DLG1: variants seen among roughly 807,000 people sequenced by gnomAD.
DLG1 encodes discs large MAGUK scaffold protein 1.
A neutral mutation model predicts 123.4 loss-of-function variants in DLG1; 42 were observed. The observed-to-expected ratio is 0.34, with a 90% CI of 0.27 to 0.44. DLG1 has a LOEUF of 0.44. DLG1 is among the 20% of genes least tolerant of loss of function. The pLI is 1.00. For missense variants in DLG1, 942 were observed against 1,082.6 expected (o/e 0.87, Z 1.82); for synonymous variants, 317 against 356.2 (o/e 0.89, Z 1.24).
At chr3:197,219,775 C>T (rs1449121372) in intron 4 of DLG1, among the ~76,000 whole-genome samples, 1 of 152,092 alleles carries the variant, frequency 6.6e-6, no homozygotes, top group Admixed American at 6.6e-5. Context: ...CGTGAAGAGG[C>T]AGTAAGAAGG....
At chr3:197,065,249 A>C in intron 22 of DLG1, 27 bp downstream of exon 22, 1 of 1,573,232 alleles carries the variant, frequency 6.4e-7, no homozygotes, top group Non-Finnish European at 8.6e-7. Context: ...ATTAGAAGCT[A>C]TATTCTGGGA....
At chr3:197,291,300 TACACACACAC>T (rs33920543) in intron 3 of DLG1, among the ~76,000 whole-genome samples, 28,457 of 143,224 alleles carry the variant, frequency 0.2, 3,120 homozygotes, top group East Asian at 0.52. Context: ...CCTACAAAGT[TACACACACAC>T]ACACACACAC....
chr3:197,124,872 G>C (rs1293029780), intron 11 of DLG1, among the ~76,000 whole-genome samples: 1 of 152,154 alleles, frequency 6.6e-6, no homozygotes, highest in Admixed American at 6.5e-5. Context: ...ATTTCCTTCA[G>C]ATAAGGAGTA....
At chr3:197,294,657 CAAAA>C (rs71926647) in intron 3 of DLG1, among the ~76,000 whole-genome samples, 5 of 79,118 alleles carry the variant, frequency 6.3e-5, no homozygotes, top group Middle Eastern at 6.5e-3. Flanking sequence ...GACTCTGCCT[CAAAA>C]AAAAAAAAAA....
chr3:197,202,429 T>C (rs1336191534), intron 4 of DLG1, among the ~76,000 whole-genome samples: 1 of 152,118 alleles, frequency 6.6e-6, no homozygotes, highest in Non-Finnish European at 1.5e-5. Context: ...ATCCCAACAA[T>C]AAGGATGGCT....
chr3:197,085,128 A>G (rs1423537591), intron 16 of DLG1, among the ~76,000 whole-genome samples: 1 of 151,144 alleles, frequency 6.6e-6, no homozygotes, highest in Non-Finnish European at 1.5e-5. Flanking sequence ...ATGATTTTAT[A>G]TATATATATT....
rs941951530 is a variant in DLG1 at position 197,297,655 on chromosome 3, C to T, written c.-31-420G>A. On this transcript the variant is annotated intron_variant, in intron 1 of 24. Transcript: ENST00000667157. Reference sequence around the variant, plus strand: ...GGACTGGCCGCCCGCCCTGCTCGGGCCCCCTCCTCTCGCTTGCCTTTCTCC... The same window carrying T: ...GGACTGGCCGCCCGCCCTGCTCGGGTCCCCTCCTCTCGCTTGCCTTTCTCC... The T allele has an allele frequency of 2.0e-5, 20 of 993,256 alleles. No individual in the cohort carries two copies. In the African/African-American group the frequency reaches 2.6e-4, roughly 13 times the overall value. The allele number at this position is 993,256 out of a possible 1,614,324, so 61.5% of individuals were successfully genotyped here. A position where few individuals can be genotyped will look rare whatever the true frequency, so the allele number is the denominator to read the frequency against.
At chr3:197,186,576 A>C (rs1716149192) in intron 5 of DLG1, among the ~76,000 whole-genome samples, 1 of 151,990 alleles carries the variant, frequency 6.6e-6, no homozygotes, top group Non-Finnish European at 1.5e-5. Flanking sequence ...ATGTAATTCA[A>C]AACATGATTA....
At chr3:197,244,510 C>CT in intron 4 of DLG1, among the ~76,000 whole-genome samples, 1 of 151,636 alleles carries the variant, frequency 6.6e-6, no homozygotes, top group East Asian at 1.9e-4. Context: ...ACGACGGCCA[C>CT]TTTGGTTTTG....
At chr3:197,170,268 T>C (rs1803485529) in intron 5 of DLG1, among the ~76,000 whole-genome samples, 2 of 152,222 alleles carry the variant, frequency 1.3e-5, no homozygotes, top group Non-Finnish European at 2.9e-5. Context: ...CCTTTGAGTA[T>C]ACACCCAGTA....
At chr3:197,291,569 G>A (rs1436236275) in intron 3 of DLG1, among the ~76,000 whole-genome samples, 1 of 152,152 alleles carries the variant, frequency 6.6e-6, no homozygotes, top group Non-Finnish European at 1.5e-5. Context: ...ATTGCTATCT[G>A]TCTTAAGCAT....
intron 4 of DLG1, among the ~76,000 whole-genome samples, chr3:197,260,688 G>A (rs1368315522): frequency 8.4e-6 from 1 of 119,680 alleles, no homozygotes; most frequent in African/African-American, 3.2e-5. Flanking sequence ...AGGTTCCCCC[G>A]ATATAAATTT....
At chr3:197,056,047 G>T (rs753201426) in intron 23 of DLG1, among the ~76,000 whole-genome samples, 20 of 152,210 alleles carry the variant, frequency 1.3e-4, no homozygotes, top group Admixed American at 3.3e-4. Flanking sequence ...TAGACGAACA[G>T]GTAGTTGCTA....
At chr3:197,114,829 A>T (rs547241910) in intron 13 of DLG1, among the ~76,000 whole-genome samples, 172 of 152,176 alleles carry the variant, frequency 1.1e-3, no homozygotes, top group African/African-American at 3.3e-3. Context: ...AATACAAAAA[A>T]ATTAGCCAGG....
intron 4 of DLG1, among the ~76,000 whole-genome samples, chr3:197,253,831 A>G (rs1171265420): frequency 6.6e-6 from 1 of 152,164 alleles, no homozygotes; most frequent in Non-Finnish European, 1.5e-5. Context: ...TACTAGAGGA[A>G]ACTGGGTTAA....
chr3:197,172,362 C>A (rs1280491154), intron 5 of DLG1, among the ~76,000 whole-genome samples: 1 of 152,020 alleles, frequency 6.6e-6, no homozygotes, highest in Non-Finnish European at 1.5e-5. Context: ...TACTTTTTAT[C>A]TTCTGTATAA....
At chr3:197,273,685 G>A (rs533584554) in intron 4 of DLG1, among the ~76,000 whole-genome samples, 1 of 151,912 alleles carries the variant, frequency 6.6e-6, no homozygotes, top group South Asian at 2.1e-4. Flanking sequence ...CTCCCAATAA[G>A]ATAAACACTG....
In DLG1 at chr3:197,119,470, G is replaced by A. The variant is rs1026224891; in HGVS notation, c.1226C>T (p.Ala409Val). ...SPSSFLGQTP[A>V]SPARYSPVSK... ...AACTGGGGAGTATCTGGCTGGAGATGCTGGTGTCTGGCCCAAGAAGGAAGA... is the reference window on the plus strand; with the variant it reads ...AACTGGGGAGTATCTGGCTGGAGATACTGGTGTCTGGCCCAAGAAGGAAGA... The change falls in exon 12 of 25, where the codon GCA (alanine) becomes GTA (valine). Residue 409 changes from alanine (A) to valine (V), a missense_variant. By Grantham distance (64) the Ala-to-Val change is moderately conservative. Coordinates refer to ENST00000667157, the MANE Select transcript of DLG1 (RefSeq NM_001366207.1). 2.5e-6 allele frequency: 4 copies of A among 1,611,828 alleles called. No homozygotes were observed. Among genetic ancestry groups the A allele is most frequent in the Non-Finnish European group, 3.4e-6 (4 of 1,178,368 alleles).
chr3:197,283,892 C>T (rs992089490), intron 3 of DLG1, among the ~76,000 whole-genome samples: 14 of 138,460 alleles, frequency 1.0e-4, no homozygotes, highest in East Asian at 4.4e-4. Flanking sequence ...GACAGAGTCT[C>T]GCTCTGTCGC....
Sources: gnomAD v4.1 joint callset for allele counts (sites outside exome capture counted in the v4.1 genomes callset) on GRCh38, gnomAD v4.1.1 for gene constraint, MANE v1.5 for transcripts, NCBI Gene and HGNC (gene_info 2026-07-23, HGNC 2026-07-21) for gene names.